CACNA1C: variants seen among roughly 807,000 people sequenced by gnomAD.
CACNA1C encodes the protein calcium voltage-gated channel subunit alpha1 C, also known as voltage-dependent L-type calcium channel subunit alpha-1C.
Under a neutral mutation model 229.0 loss-of-function variants are expected in CACNA1C, and 30 were observed. The ratio of observed to expected loss-of-function variants is 0.13; its 90% CI spans 0.10 to 0.18. The LOEUF (loss-of-function observed/expected upper bound fraction) is 0.18. CACNA1C is among the 10% of genes least tolerant of loss of function. The pLI is 1.00. For synonymous variants in CACNA1C, 1,114 were observed against 1,132.5 expected (o/e 0.98, Z 0.33); for missense variants, 1,658 against 2,845.0 (o/e 0.58, Z 9.49).
Position 2,165,272 on chromosome 12 carries a change from T to C in CACNA1C, c.477+44842T>C, listed in dbSNP as rs552211663. ...GTGAAAAAGGAAACAAATCCAGTGA[T>C]AAGAAACTATTTTAACAAGACACTT... On this transcript the variant is annotated intron_variant, in intron 3 of 46. Transcript: ENST00000399655. 4.6e-5 allele frequency among the ~76,000 whole-genome samples: 7 copies of C among 152,348 alleles called. No homozygotes were observed. In the South Asian group the frequency reaches 1.4e-3, roughly 32 times the overall value.
chr12:2,484,193 C>T (rs1414620189), intron 5 of CACNA1C, among the ~76,000 whole-genome samples: 2 of 152,138 alleles, frequency 1.3e-5, no homozygotes, highest in East Asian at 1.9e-4. Context: ...ATAAAGGAAA[C>T]GTTTCTGGTC....
At chr12:2,439,658 G>A (rs993804321) in intron 3 of CACNA1C, among the ~76,000 whole-genome samples, 1 of 152,098 alleles carries the variant, frequency 6.6e-6, no homozygotes. Context: ...AGGCAACTAA[G>A]CCATTTCAAC....
intron 1 of CACNA1C, among the ~76,000 whole-genome samples, chr12:2,040,507 T>A (rs1303406042): frequency 6.6e-6 from 1 of 152,226 alleles, no homozygotes; most frequent in Non-Finnish European, 1.5e-5. Flanking sequence ...TATCAAAGTC[T>A]AAGCGGTAGG....
chr12:2,270,223 T>C (rs994734857), intron 3 of CACNA1C, among the ~76,000 whole-genome samples: 1 of 152,222 alleles, frequency 6.6e-6, no homozygotes, highest in African/African-American at 2.4e-5. Flanking sequence ...CGAAAGCTAT[T>C]ACTGACTCTT....
chr12:2,304,778 C>G (rs2094879853), intron 3 of CACNA1C, among the ~76,000 whole-genome samples: 1 of 152,108 alleles, frequency 6.6e-6, no homozygotes. Context: ...AAAAAATGCT[C>G]CTTGCATCCA....
intron 38 of CACNA1C, chr12:2,672,356 A>C (rs528430983): frequency 6.6e-6 from 1 of 152,372 alleles, no homozygotes; most frequent in South Asian, 2.1e-4. Context: ...AGGCTGATAA[A>C]AAAAAATGAA....
At chr12:2,153,042 G>A (rs993682129) in intron 3 of CACNA1C, among the ~76,000 whole-genome samples, 1 of 152,196 alleles carries the variant, frequency 6.6e-6, no homozygotes, top group South Asian at 2.1e-4. Flanking sequence ...TTCAGTGGTG[G>A]TCACTATGGC....
intron 4 of CACNA1C, among the ~76,000 whole-genome samples, chr12:2,457,314 CGG>C (rs2099437484): frequency 2.0e-5 from 3 of 152,352 alleles, no homozygotes; most frequent in African/African-American, 7.2e-5. Context: ...GCCTTTATGA[CGG>C]CAGAGGGCCT....
In CACNA1C at chr12:2,595,922, C is replaced by T. The variant is rs144992959; in HGVS notation, c.2712C>T (p.Asn904=). 2.0e-4 allele frequency: 326 copies of T among 1,613,780 alleles called. 2 individuals are homozygous for T. The East Asian group carries it at 7.0e-3, about 34-fold the overall frequency. ...HRIVNDTIFT[N]LILFFILLSS... ...TTGTCAATGACACGATCTTCACCAA[C>T]CTGATCCTCTTCTTCATTCTGCTCA... Residue 904 remains asparagine, a synonymous_variant, in exon 20 of 47, where the codon AAC becomes AAT. Coordinates refer to ENST00000399655, the MANE Select transcript of CACNA1C (RefSeq NM_000719.7). The surrounding 1 kb of genome is among the most constrained non-coding windows in gnomAD (Gnocchi z 4.1).
intron 5 of CACNA1C, among the ~76,000 whole-genome samples, chr12:2,468,738 G>A (rs979199133): frequency 6.6e-6 from 1 of 152,238 alleles, no homozygotes; most frequent in Non-Finnish European, 1.5e-5. Context: ...GTCACCTCAG[G>A]AATTGTGATG....
chr12:2,122,696 A>G (rs923205555), intron 3 of CACNA1C, among the ~76,000 whole-genome samples: 2 of 151,936 alleles, frequency 1.3e-5, no homozygotes, highest in Non-Finnish European at 2.9e-5. Flanking sequence ...CTTCTTCTGC[A>G]CTCTCCCTTT....
At chr12:2,593,070 CA>C in intron 18 of CACNA1C, 142 bp from the exon 19 acceptor site, 1 of 875,784 alleles carries the variant, frequency 1.1e-6, no homozygotes, top group Non-Finnish European at 1.7e-6. Flanking sequence ...GCAGCACCCA[CA>C]GGGAGACAGC....
intron 1 of CACNA1C, among the ~76,000 whole-genome samples, chr12:2,013,299 G>A (rs2044749128): frequency 6.6e-6 from 1 of 152,138 alleles, no homozygotes; most frequent in Non-Finnish European, 1.5e-5. Flanking sequence ...CTGGTATGAA[G>A]CTAGGTCTCC....
chr12:2,195,061 C>T (rs1210022688), intron 3 of CACNA1C, among the ~76,000 whole-genome samples: 2 of 152,250 alleles, frequency 1.3e-5, no homozygotes, highest in African/African-American at 4.8e-5. Context: ...ATACACTTCC[C>T]TGAATGAAAG....
chr12:2,086,578 C>T (rs1024862425), intron 1 of CACNA1C, among the ~76,000 whole-genome samples: 2 of 152,170 alleles, frequency 1.3e-5, no homozygotes, highest in East Asian at 1.9e-4. Context: ...TGATGCAATA[C>T]GAGTTTAATT....
At chr12:2,022,632 AG>A (rs375537622) in intron 1 of CACNA1C, among the ~76,000 whole-genome samples, 4,457 of 151,688 alleles carry the variant, frequency 0.029, 93 homozygotes, top group Non-Finnish European at 0.044. Context: ...TTTGTAGAGA[AG>A]GGGGTCTCTC....
chr12:2,353,774 G>C (rs571911724), intron 3 of CACNA1C, among the ~76,000 whole-genome samples: 1 of 152,310 alleles, frequency 6.6e-6, no homozygotes, highest in South Asian at 2.1e-4. Context: ...CCAGGGCTGA[G>C]ATGGCCAGAG....
intron 8 of CACNA1C, 98 bp downstream of exon 8, chr12:2,505,043 C>A: frequency 4.2e-6 from 3 of 720,914 alleles, no homozygotes; most frequent in Non-Finnish European, 7.3e-6. Context: ...CTCTGATGAA[C>A]CTGGGATAAG....
intron 13 of CACNA1C, among the ~76,000 whole-genome samples, chr12:2,580,911 G>T (rs2060246966): frequency 1.3e-5 from 2 of 152,138 alleles, no homozygotes; most frequent in South Asian, 4.1e-4. Context: ...AAAGATATCT[G>T]GGCCCCAAAC....
Sources: gnomAD v4.1 joint callset for allele counts (sites outside exome capture counted in the v4.1 genomes callset) on GRCh38, gnomAD v4.1.1 for gene constraint, Gnocchi (gnomAD v3.1) non-coding constraint, MANE v1.5 for transcripts, NCBI Gene and HGNC (gene_info 2026-07-23, HGNC 2026-07-21) for gene names.